Variants in STYK1 observed in about 807,000 individuals in gnomAD.
STYK1 encodes the protein tyrosine-protein kinase STYK1.
In STYK1, 46 loss-of-function variants were observed where a neutral mutation model predicts 48.1. That is an observed-to-expected ratio of 0.96 (90% CI 0.75 to 1.22). The LOEUF (loss-of-function observed/expected upper bound fraction) is 1.22. STYK1 is among the 50% of genes most tolerant of loss of function. The pLI is 0.00. For missense variants in STYK1, 527 were observed against 521.1 expected, an observed-to-expected ratio of 1.01 and a Z score of -0.11; for synonymous variants, 188 against 189.0, an observed-to-expected ratio of 0.99 and a Z score of 0.04.
At chr12:10,649,489 T>C (rs572121500) in intron 1 of STYK1, among the ~76,000 whole-genome samples, 33 of 152,162 alleles carry the variant, frequency 2.2e-4, no homozygotes, top group Non-Finnish European at 3.7e-4. Flanking sequence ...GAGGTATATA[T>C]GGCAAGAGTA....
chr12:10,622,489 C>T (rs368899322), intron 9 of STYK1, 149 bp downstream of exon 9: 28 of 786,650 alleles, frequency 3.6e-5, no homozygotes, highest in East Asian at 1.3e-4. Flanking sequence ...ATGACTATCA[C>T]GGGAATCAGG....
chr12:10,650,929 C>T (rs7307408), intron 1 of STYK1, among the ~76,000 whole-genome samples: 82,763 of 150,576 alleles, frequency 0.55, 23,432 homozygotes, highest in East Asian at 0.79. Flanking sequence ...CACTTGAACC[C>T]GGGAGGCGGA....
intron 1 of STYK1, chr12:10,667,596 CT>C (rs1947846687): frequency 6.6e-6 from 1 of 152,506 alleles, no homozygotes; most frequent in Non-Finnish European, 1.5e-5. Flanking sequence ...TCCCACTGTA[CT>C]CCAGCCTGAG....
In STYK1 at chr12:10,672,375, C is replaced by A. The variant is rs111972318; in HGVS notation, c.-195+1591G>T. Among the ~76,000 whole-genome samples, 10 of 152,142 alleles carry A rather than the reference C, an allele frequency of 6.6e-5. No individual in the cohort carries two copies. Among genetic ancestry groups the A allele is most frequent in the African/African-American group, 2.4e-4 (10 of 41,422 alleles). On this transcript the variant is annotated intron_variant, in intron 1 of 10. Coordinates refer to ENST00000075503, the MANE Select transcript of STYK1 (RefSeq NM_018423.3). The surrounding 1 kb of genome is among the most constrained non-coding windows in gnomAD (Gnocchi z 4.0). ...GAGCTCCTCCTCCTGTCAGATAAGC[C>A]ACGACATTAGATTTTCTTTCTTTTT...
chr12:10,621,795 G>A, intron 10 of STYK1, 81 bp downstream of exon 10: 1 of 1,281,578 alleles, frequency 7.8e-7, no homozygotes, highest in South Asian at 1.2e-5. Context: ...GATCATCTGA[G>A]CCCTTTGAAA....
At chr12:10,650,315 A>G (rs1400542539) in intron 1 of STYK1, among the ~76,000 whole-genome samples, 1 of 152,118 alleles carries the variant, frequency 6.6e-6, no homozygotes, top group East Asian at 1.9e-4. Flanking sequence ...GGGTGGATTT[A>G]TCTTAATCTA....
intron 1 of STYK1, among the ~76,000 whole-genome samples, chr12:10,673,308 C>T: frequency 6.6e-6 from 1 of 151,810 alleles, no homozygotes; most frequent in Non-Finnish European, 1.5e-5. Context: ...ACCTGGGAGG[C>T]GGAGGTTGCA....
chr12:10,669,928 G>C lies in STYK1; in HGVS notation c.-195+4038C>G, dbSNP rs117056551. ...AAAATGCAAGTTAAAACCAAAATGA[G>C]CTATTACCTCATACCTGTTAGAATA... is the stretch of plus-strand genomic sequence containing the variant. On this transcript the variant is annotated intron_variant, in intron 1 of 10. Coordinates refer to ENST00000075503, the MANE Select transcript of STYK1 (RefSeq NM_018423.3). Among the ~76,000 whole-genome samples, 185 of 152,238 alleles carry C rather than the reference G, an allele frequency of 1.2e-3. 4 individuals are homozygous for C. The East Asian group carries it at 0.03, about 25-fold the overall frequency.
chr12:10,658,806 T>A (rs1947745946), intron 1 of STYK1, among the ~76,000 whole-genome samples: 1 of 152,208 alleles, frequency 6.6e-6, no homozygotes, highest in African/African-American at 2.4e-5. Context: ...GAAACTCCTA[T>A]AATTCTAATA....
At chr12:10,622,969 C>T (rs1333304146) in intron 8 of STYK1, among the ~76,000 whole-genome samples, 1 of 149,676 alleles carries the variant, frequency 6.7e-6, no homozygotes, top group East Asian at 1.9e-4. Context: ...ACCACACAAA[C>T]ACATTTACCT....
At chr12:10,630,147 A>T (rs150632984) in intron 5 of STYK1, among the ~76,000 whole-genome samples, 158 of 151,538 alleles carry the variant, frequency 1.0e-3, no homozygotes, top group African/African-American at 3.5e-3. Context: ...GCACTTTGGG[A>T]GGTTGAGGCT....
intron 1 of STYK1, among the ~76,000 whole-genome samples, chr12:10,663,066 G>A (rs1947794496): frequency 1.3e-5 from 2 of 152,254 alleles, no homozygotes; most frequent in Admixed American, 1.3e-4. Context: ...AGCATAATTT[G>A]TTAAAGACAA....
intron 1 of STYK1, among the ~76,000 whole-genome samples, chr12:10,662,109 T>C (rs1292491474): frequency 1.3e-5 from 2 of 152,248 alleles, no homozygotes; most frequent in African/African-American, 2.4e-5. Flanking sequence ...AATTGACTCA[T>C]ACAGTATGTG....
chr12:10,633,243 CT>C (rs1298904462), intron 4 of STYK1, among the ~76,000 whole-genome samples: 2 of 152,126 alleles, frequency 1.3e-5, no homozygotes, highest in Admixed American at 6.6e-5. Context: ...CTTGGAAAGA[CT>C]TGTTTTGGCG....
chr12:10,658,187 A>C (rs1473671282), intron 1 of STYK1, among the ~76,000 whole-genome samples: 5 of 152,204 alleles, frequency 3.3e-5, no homozygotes, highest in African/African-American at 1.2e-4. Context: ...TCTGCTCCTT[A>C]ACAAAAATTT....
intron 1 of STYK1, among the ~76,000 whole-genome samples, chr12:10,637,518 T>G (rs1285673016): frequency 6.6e-6 from 1 of 151,988 alleles, no homozygotes; most frequent in Non-Finnish European, 1.5e-5. Flanking sequence ...ATTTTCTGTA[T>G]TTTTAGTAGA....
Position 10,652,444 on chromosome 12 carries a change from A to G in STYK1, c.-194-15248T>C, listed in dbSNP as rs1947672149. On this transcript the variant is annotated intron_variant, in intron 1 of 10. Coordinates refer to ENST00000075503, the MANE Select transcript of STYK1 (RefSeq NM_018423.3). ...CAAATGAGATAAAACATATGAAAGT[A>G]CTTTAAAGTTTTAGAATACAAGTAT... Among the ~76,000 whole-genome samples the G allele has an allele frequency of 2.0e-5, 3 of 152,252 alleles. No individual in the cohort carries two copies. The South Asian group carries it at 6.2e-4, about 32-fold the overall frequency.
At chr12:10,666,611 C>T (rs970771548) in intron 1 of STYK1, among the ~76,000 whole-genome samples, 5 of 152,158 alleles carry the variant, frequency 3.3e-5, no homozygotes, top group Non-Finnish European at 2.9e-5. Context: ...TTGTAATCCC[C>T]GTAATCCCCC....
At chr12:10,620,886 T>C (rs1383356390) in intron 10 of STYK1, among the ~76,000 whole-genome samples, 1 of 152,182 alleles carries the variant, frequency 6.6e-6, no homozygotes, top group Non-Finnish European at 1.5e-5. Context: ...GTCAGGTATT[T>C]TGTCAGTTAG....
Sources: gnomAD v4.1 joint callset for allele counts (sites outside exome capture counted in the v4.1 genomes callset) on GRCh38, gnomAD v4.1.1 for gene constraint, Gnocchi (gnomAD v3.1) non-coding constraint, MANE v1.5 for transcripts, NCBI Gene and HGNC (gene_info 2026-07-23, HGNC 2026-07-21) for gene names.